Variants in MET observed in about 807,000 individuals in gnomAD.
MET encodes the protein MET proto-oncogene, receptor tyrosine kinase, also known as hepatocyte growth factor receptor.
A neutral mutation model predicts 133.1 loss-of-function variants in MET; 48 were observed. The ratio of observed to expected loss-of-function variants is 0.36; its 90% CI spans 0.29 to 0.46. The LOEUF is 0.46. Among genes scored for constraint, MET ranks in the 20% least tolerant of loss-of-function variants. The probability of loss-of-function intolerance (pLI) is 1.00; values close to 1 mark genes in which losing one functional copy is unlikely to be tolerated. For synonymous variants in MET, 628 were observed against 616.5 expected (o/e 1.02, Z -0.28); for missense variants, 1,442 against 1,695.9 (o/e 0.85, Z 2.63).
rs1208561495 is a variant in MET at position 116,700,731 on chromosome 7, G to T, written c.1200+447G>T. 2.0e-5 allele frequency among the ~76,000 whole-genome samples: 3 copies of T among 152,214 alleles called. No individual in the cohort carries two copies. In the East Asian group the frequency reaches 5.8e-4, roughly 29 times the overall value. The stretch of plus-strand genomic sequence containing the variant: ...GCTAATTTGTATGCCTTAAAGAATT[G>T]TTCCTTATGAGATTATATTCTCTCA... On this transcript the variant is annotated intron_variant, in intron 2 of 20. Transcript: ENST00000397752.
At chr7:116,682,280 C>G (rs775205260) in intron 1 of MET, among the ~76,000 whole-genome samples, 1 of 152,148 alleles carries the variant, frequency 6.6e-6, no homozygotes, top group African/African-American at 2.4e-5. Context: ...AGATATTAGA[C>G]GAATAACTTA....
At chr7:116,702,964 T>C (rs1393984038) in intron 2 of MET, among the ~76,000 whole-genome samples, 1 of 152,220 alleles carries the variant, frequency 6.6e-6, no homozygotes, top group Non-Finnish European at 1.5e-5. Flanking sequence ...TCACATATTT[T>C]GTTGCTTTTC....
At chr7:116,718,728 T>A (rs1792346764) in intron 2 of MET, among the ~76,000 whole-genome samples, 1 of 148,518 alleles carries the variant, frequency 6.7e-6, no homozygotes, top group Non-Finnish European at 1.5e-5. Context: ...CACCTATGAG[T>A]GAGAATATGC....
At chr7:116,742,446 A>G (rs1420875221) in intron 5 of MET, among the ~76,000 whole-genome samples, 1 of 152,276 alleles carries the variant, frequency 6.6e-6, no homozygotes, top group African/African-American at 2.4e-5. Context: ...AGACACTAGG[A>G]ATCTGAACTC....
intron 15 of MET, among the ~76,000 whole-genome samples, chr7:116,776,962 A>C (rs1370406622): frequency 6.6e-6 from 1 of 152,220 alleles, no homozygotes; most frequent in East Asian, 1.9e-4. Context: ...AGCTTATTAG[A>C]ATATAGAGAA....
chr7:116,716,054 C>A (rs1792179060), intron 2 of MET, among the ~76,000 whole-genome samples: 1 of 152,006 alleles, frequency 6.6e-6, no homozygotes, highest in Non-Finnish European at 1.5e-5. Context: ...AATTCAAGAC[C>A]AGCCTGGGCA....
At chr7:116,698,177 A>G (rs1275017631) in intron 1 of MET, among the ~76,000 whole-genome samples, 1 of 152,222 alleles carries the variant, frequency 6.6e-6, no homozygotes, top group African/African-American at 2.4e-5. Flanking sequence ...GAGAACTCAC[A>G]ATGTTTATAA....
intron 1 of MET, among the ~76,000 whole-genome samples, chr7:116,686,319 G>C (rs1796555622): frequency 6.6e-6 from 1 of 151,976 alleles, no homozygotes; most frequent in Admixed American, 6.6e-5. Flanking sequence ...CTTCCTTCTT[G>C]CCTCTGCCCA....
At position 116,731,704 on chromosome 7, in the gene MET, C is replaced by G. The variant is rs201980687; in HGVS notation, c.1237C>G (p.Arg413Gly). Reference protein sequence around the residue: ...LRNSSGCEARRDEYRTEFTTA... With the variant: ...LRNSSGCEARGDEYRTEFTTA... Reference sequence around the variant, plus strand: ...AAATTCATCAGGCTGTGAAGCGCGCCGTGATGAATATCGAACAGAGTTTAC... The same window carrying G: ...AAATTCATCAGGCTGTGAAGCGCGCGGTGATGAATATCGAACAGAGTTTAC... Residue 413 changes from arginine to glycine, a missense_variant, in exon 3 of 21, where the codon CGT becomes GGT. This residue lies in a region of MET where 762 missense variants were observed against 792.4 expected (regional missense o/e 0.96). Coordinates refer to ENST00000397752, the MANE Select transcript of MET (RefSeq NM_000245.4). 1.9e-6 allele frequency: 3 copies of G among 1,614,062 alleles called. No homozygotes were observed. In the South Asian group the frequency reaches 3.3e-5, roughly 18 times the overall value.
chr7:116,738,900 C>T (rs1033232940), intron 3 of MET, among the ~76,000 whole-genome samples: 4 of 152,178 alleles, frequency 2.6e-5, no homozygotes, highest in Non-Finnish European at 4.4e-5. Flanking sequence ...ACTATGTAAT[C>T]GTAATCTCAC....
At position 116,781,688 on chromosome 7, in the gene MET, C is replaced by T. The variant is rs540967590; in HGVS notation, c.3523-300C>T. On this transcript the variant is annotated intron_variant, in intron 17 of 20. Transcript: ENST00000397752. The stretch of plus-strand genomic sequence containing the variant: ...GCTCAAGCAATCCTCCTTCCTCAGA[C>T]TCCTAAGCAGCTGGGACTATAGGTG... 6.4e-4 allele frequency among the ~76,000 whole-genome samples: 97 copies of T among 152,280 alleles called. 4 individuals carry two copies. In the South Asian group the frequency reaches 0.019, roughly 30 times the overall value.
intron 6 of MET, among the ~76,000 whole-genome samples, chr7:116,756,780 G>A: frequency 6.6e-6 from 1 of 152,114 alleles, no homozygotes; most frequent in East Asian, 1.9e-4. Context: ...TTAGCCCATT[G>A]TTTCATATGC....
intron 1 of MET, among the ~76,000 whole-genome samples, chr7:116,673,272 T>C (rs530406243): frequency 1.8e-4 from 28 of 152,360 alleles, no homozygotes; most frequent in South Asian, 4.2e-4. Context: ...ATATCTTTCA[T>C]GTTTTAAAAG....
At chr7:116,761,038 T>G (rs1794383214) in intron 10 of MET, among the ~76,000 whole-genome samples, 1 of 152,228 alleles carries the variant, frequency 6.6e-6, no homozygotes, top group East Asian at 1.9e-4. Flanking sequence ...TTTATCTAAT[T>G]AATGCTGAGC....
chr7:116,694,747 C>T (rs775435029), intron 1 of MET, among the ~76,000 whole-genome samples: 2 of 152,066 alleles, frequency 1.3e-5, no homozygotes, highest in Middle Eastern at 3.4e-3. Flanking sequence ...AGTGCAGTGG[C>T]GCAATCTCAA....
chr7:116,763,010 C>T, intron 10 of MET, 40 bp from the exon 11 acceptor site: 1 of 1,531,344 alleles, frequency 6.5e-7, no homozygotes, highest in Non-Finnish European at 9.1e-7. Context: ...TGTTGCCAAG[C>T]TGTATTCTGT....
In MET at chr7:116,769,735, G is replaced by A. The variant is rs761243391; in HGVS notation, c.2674G>A (p.Val892Ile). ...CENIHLHSEAVLCTVPNDLLK... is the reference protein window; with the variant it reads ...CENIHLHSEAILCTVPNDLLK... The stretch of plus-strand genomic sequence containing the variant: ...GAATATACACTTACATTCTGAAGCC[G>A]TTTTATGCACGGTCCCCAATGACCT... The change falls in exon 12 of 21, where the codon GTT (valine) becomes ATT (isoleucine). Residue 892 changes from valine to isoleucine, a missense_variant. Val to Ile is a conservative substitution (Grantham distance 29). This residue lies in a region of MET where 514 missense variants were observed against 659.6 expected (regional missense o/e 0.78). Transcript: ENST00000397752. 72 of 1,613,414 alleles carry A rather than the reference G, an allele frequency of 4.5e-5. No homozygotes were observed. The highest frequency in any genetic ancestry group is 6.7e-5 in the Admixed American group (4 of 59,920).
chr7:116,714,421 T>A (rs191422903), intron 2 of MET, among the ~76,000 whole-genome samples: 14 of 152,222 alleles, frequency 9.2e-5, no homozygotes, highest in African/African-American at 2.7e-4. Flanking sequence ...CCAGCTTCCA[T>A]TAAGAACTGG....
chr7:116,745,915 C>A (rs1054603843), intron 5 of MET, among the ~76,000 whole-genome samples: 3 of 152,076 alleles, frequency 2.0e-5, no homozygotes, highest in African/African-American at 7.2e-5. Context: ...GCAACAAAAG[C>A]CAAAATTGAC....
Sources: allele counts gnomAD v4.1 joint callset (sites outside exome capture counted in the v4.1 genomes callset), GRCh38; gene constraint gnomAD v4.1.1; regional missense constraint gnomAD v4.1.1; transcripts MANE v1.5; gene names NCBI Gene and HGNC (gene_info 2026-07-23, HGNC 2026-07-21).